Variants in WDR19 observed in about 807,000 individuals in gnomAD.
The protein encoded by WDR19 is WD repeat domain 19.
A neutral mutation model predicts 180.0 loss-of-function variants in WDR19; 121 were observed. That is an observed-to-expected ratio of 0.67 (90% CI 0.58 to 0.78). WDR19 has a LOEUF of 0.78. Among genes scored for constraint, WDR19 ranks in the 30% least tolerant of loss-of-function variants. The pLI, the probability that WDR19 is intolerant of heterozygous loss-of-function variation, is 0.00. For missense variants in WDR19, 1,450 were observed against 1,640.7 expected, an observed-to-expected ratio of 0.88 and a Z score of 2.01; for synonymous variants, 497 against 540.7, an observed-to-expected ratio of 0.92 and a Z score of 1.12.
At chr4:39,235,937 C>T (rs73136742) in intron 20 of WDR19, among the ~76,000 whole-genome samples, 1,588 of 151,998 alleles carry the variant, frequency 0.01, 27 homozygotes, top group African/African-American at 0.036. Flanking sequence ...AATGAAATAC[C>T]GTCTTATACC....
chr4:39,279,446 C>T (rs1448434322), intron 36 of WDR19, among the ~76,000 whole-genome samples: 2 of 152,348 alleles, frequency 1.3e-5, no homozygotes, highest in South Asian at 2.1e-4. Flanking sequence ...ATATCTGGTT[C>T]GTGGTTCTCT....
At chr4:39,243,891 T>C (rs1732228937) in intron 21 of WDR19, among the ~76,000 whole-genome samples, 1 of 152,210 alleles carries the variant, frequency 6.6e-6, no homozygotes, top group South Asian at 2.1e-4. Context: ...TAGAGCAATC[T>C]TCAATTTGAT....
chr4:39,242,294 T>G (rs955148838), intron 21 of WDR19, among the ~76,000 whole-genome samples: 1 of 152,146 alleles, frequency 6.6e-6, no homozygotes, highest in East Asian at 1.9e-4. Flanking sequence ...TCTCACTTTC[T>G]TTCCCAGGCT....
chr4:39,201,982 T>TG (rs1269589857), intron 6 of WDR19, among the ~76,000 whole-genome samples: 12 of 152,346 alleles, frequency 7.9e-5, no homozygotes, highest in African/African-American at 2.6e-4. Context: ...AAGATCACTA[T>TG]GGTGTTACTT....
chr4:39,200,230 A>C (rs1025984198), intron 6 of WDR19, among the ~76,000 whole-genome samples: 2 of 152,258 alleles, frequency 1.3e-5, no homozygotes, highest in Non-Finnish European at 2.9e-5. Context: ...ACTGTGCTAT[A>C]TACTATAGAA....
At chr4:39,260,502 C>T (rs1259716106) in intron 28 of WDR19, among the ~76,000 whole-genome samples, 1 of 152,010 alleles carries the variant, frequency 6.6e-6, no homozygotes, top group East Asian at 1.9e-4. Flanking sequence ...CCATACCCAG[C>T]TAATTTTTTT....
chr4:39,185,715 T>C lies in WDR19; in HGVS notation c.7-11T>C, dbSNP rs1175558344. The C allele has an allele frequency of 1.2e-5, 19 of 1,551,394 alleles. No individual in the cohort carries two copies. Among genetic ancestry groups the C allele is most frequent in the Non-Finnish European group, 1.7e-5 (19 of 1,146,488 alleles). ...GTTTTGAAAATATTAAAAATTGTGT[T>C]TATTTTTTAGCGTATTTTCTCACTG... On this transcript the variant is annotated splice_polypyrimidine_tract_variant and intron_variant, in intron 1 of 36. Transcript: ENST00000399820.
At chr4:39,232,024 A>G in intron 18 of WDR19, 68 bp downstream of exon 18, 1 of 1,575,434 alleles carries the variant, frequency 6.3e-7, no homozygotes, top group Non-Finnish European at 8.7e-7. Flanking sequence ...TGCAGTCTAA[A>G]TTTTTTGCAT....
At chr4:39,272,901 T>G in intron 31 of WDR19, 79 bp from the exon 32 acceptor site, 1 of 1,185,180 alleles carries the variant, frequency 8.4e-7, no homozygotes, top group East Asian at 2.8e-5. Flanking sequence ...CATCAAGGAG[T>G]TGTTTATTTG....
At chr4:39,240,504 T>G (rs1017573010) in intron 21 of WDR19, among the ~76,000 whole-genome samples, 170 bp downstream of exon 21, 14 of 152,196 alleles carry the variant, frequency 9.2e-5, no homozygotes, top group Admixed American at 7.2e-4. Context: ...TTAAAACACT[T>G]CAAGCTCTTA....
chr4:39,278,582 T>G lies in WDR19; in HGVS notation c.3961T>G (p.Leu1321Val). Residue 1321 changes from leucine to valine, a missense_variant, in exon 36 of 37, where the codon TTA (leucine) becomes GTA (valine). Coordinates refer to ENST00000399820, the MANE Select transcript of WDR19 (RefSeq NM_025132.4). ...ESTCPMCSERLNAAQLKKISD... is the reference protein window; with the variant it reads ...ESTCPMCSERVNAAQLKKISD... ...CACATGTCCTATGTGTTCAGAAAGA[T>G]TAAACGCTGCTCAGCTGAAAAAGAT... 1 of 1,613,708 alleles carries G rather than the reference T, an allele frequency of 6.2e-7. No individual in the cohort carries two copies. The highest frequency in any genetic ancestry group is 2.2e-5 in the East Asian group (1 of 44,876).
chr4:39,216,276 T>C, intron 12 of WDR19, 66 bp downstream of exon 12: 1 of 1,308,550 alleles, frequency 7.6e-7, no homozygotes. Flanking sequence ...TGGGAAGCAC[T>C]GCAAGTTTCT....
Position 39,231,253 on chromosome 4 carries a change from G to A in WDR19, c.1983-544G>A, listed in dbSNP as rs1730819271. Among the ~76,000 whole-genome samples the A allele has an allele frequency of 2.7e-5, 4 of 148,376 alleles. No homozygotes were observed. In the Admixed American group the frequency reaches 2.7e-4, roughly 10 times the overall value. ...TTGAACCCAGGAGGCCGAGGTTGCA[G>A]TTAGGTGAGATCACGCCATTGCACT... On this transcript the variant is annotated intron_variant, in intron 17 of 36. Coordinates refer to ENST00000399820, the MANE Select transcript of WDR19 (RefSeq NM_025132.4).
intron 3 of WDR19, among the ~76,000 whole-genome samples, chr4:39,188,314 T>G (rs1021859784): frequency 3.9e-5 from 6 of 152,104 alleles, no homozygotes; most frequent in Non-Finnish European, 8.8e-5. Context: ...TTTTATAATA[T>G]ACATTTTGGA....
At chr4:39,281,874 G>A (rs1736575406) in intron 36 of WDR19, among the ~76,000 whole-genome samples, 1 of 152,046 alleles carries the variant, frequency 6.6e-6, no homozygotes, top group Non-Finnish European at 1.5e-5. Context: ...GGCGGGGGGA[G>A]GATTCTGATC....
Position 39,278,533 on chromosome 4 carries a change from A to C in WDR19, c.3918-6A>C, listed in dbSNP as rs199546190. Reference sequence around the variant, plus strand: ...AATTTACTCTGCCTTTCCCTCCCCTAAACAGCATGCTAAACACTGAAAGCA... The same window carrying C: ...AATTTACTCTGCCTTTCCCTCCCCTCAACAGCATGCTAAACACTGAAAGCA... On this transcript the variant is annotated splice_region_variant and splice_polypyrimidine_tract_variant and intron_variant, in intron 35 of 36. Transcript: ENST00000399820. 750 of 1,607,430 alleles carry C rather than the reference A, an allele frequency of 4.7e-4. 6 individuals are homozygous for C. The highest frequency in any genetic ancestry group is 7.1e-5 in the Non-Finnish European group (83 of 1,175,814).
intron 13 of WDR19, among the ~76,000 whole-genome samples, chr4:39,217,522 CTAGAAGGAACTA>C (rs1205498508): frequency 6.6e-6 from 1 of 152,068 alleles, no homozygotes; most frequent in African/African-American, 2.4e-5. Flanking sequence ...TAAATTGGAG[CTAGAAGGAACTA>C]TACATGAACT....
chr4:39,191,787 G>C (rs1046368167), intron 4 of WDR19, among the ~76,000 whole-genome samples: 8 of 152,178 alleles, frequency 5.3e-5, no homozygotes, highest in African/African-American at 1.9e-4. Flanking sequence ...AATTGACCTT[G>C]AGTTGTCGTA....
In WDR19 at chr4:39,216,783, C is replaced by A. The variant is rs890408044; in HGVS notation, c.1250-351C>A. Among the ~76,000 whole-genome samples, 6 of 152,058 alleles carry A rather than the reference C, an allele frequency of 3.9e-5. 1 individual carries two copies. Among genetic ancestry groups the A allele is most frequent in the South Asian group, 4.1e-4 (2 of 4,830 alleles). On this transcript the variant is annotated intron_variant, in intron 12 of 36. Transcript: ENST00000399820. Reference sequence around the variant, plus strand: ...CTTTCCCCAATTCTAGGTCAGATAACCCTCAGGAATAGAACAAACCTGAAA... The same window carrying A: ...CTTTCCCCAATTCTAGGTCAGATAAACCTCAGGAATAGAACAAACCTGAAA...
Sources: gnomAD v4.1 joint callset for allele counts (sites outside exome capture counted in the v4.1 genomes callset) on GRCh38, gnomAD v4.1.1 for gene constraint, MANE v1.5 for transcripts, NCBI Gene and HGNC (gene_info 2026-07-23, HGNC 2026-07-21) for gene names.